PKP4: variants seen among roughly 807,000 people sequenced by gnomAD.
The protein encoded by PKP4 is plakophilin-4.
Under a neutral mutation model 145.1 loss-of-function variants are expected in PKP4, and 90 were observed. That is an observed-to-expected ratio of 0.62 (90% confidence interval 0.52 to 0.74). The LOEUF (loss-of-function observed/expected upper bound fraction) is 0.74. Among genes scored for constraint, PKP4 ranks in the 30% least tolerant of loss-of-function variants. The pLI is 0.00. For synonymous variants in PKP4, 563 were observed against 577.2 expected (o/e 0.98, Z 0.35); for missense variants, 1,340 against 1,482.7 (o/e 0.90, Z 1.58).
chr2:158,478,349 G>A (rs936279567), intron 1 of PKP4, among the ~76,000 whole-genome samples: 28 of 151,860 alleles, frequency 1.8e-4, no homozygotes, highest in African/African-American at 6.5e-4. Flanking sequence ...AGCAGATGAC[G>A]TGCTGTGGTT....
At chr2:158,513,141 CATA>C (rs1452695137) in intron 1 of PKP4, among the ~76,000 whole-genome samples, 1 of 152,192 alleles carries the variant, frequency 6.6e-6, no homozygotes, top group Non-Finnish European at 1.5e-5. Flanking sequence ...AAGTCATAAT[CATA>C]ATCTGATTTT....
At chr2:158,486,639 G>T (rs960226661) in intron 1 of PKP4, among the ~76,000 whole-genome samples, 1 of 152,226 alleles carries the variant, frequency 6.6e-6, no homozygotes, top group East Asian at 1.9e-4. Context: ...ATAAGGCAGA[G>T]AATAGACTAA....
intron 3 of PKP4, among the ~76,000 whole-genome samples, chr2:158,590,470 A>G (rs182173988): frequency 6.6e-6 from 1 of 151,594 alleles, no homozygotes; most frequent in African/African-American, 2.4e-5. Flanking sequence ...TTAAAGATTG[A>G]TCTACTTCCC....
rs187925629 is a variant in PKP4, at chr2:158,473,444, G to A, written c.-6+16226G>A. ...CAGTGGCAGATTGGATAAAGAAAAT[G>A]TGGTACATATACACCGTGCAATACT... is the stretch of plus-strand genomic sequence containing the variant. On this transcript the variant is annotated intron_variant, in intron 1 of 21. Transcript: ENST00000389759. 2.5e-3 allele frequency among the ~76,000 whole-genome samples: 383 copies of A among 152,326 alleles called. 1 individual carries two copies. The highest frequency in any genetic ancestry group is 2.5e-3 in the Non-Finnish European group (172 of 68,028).
chr2:158,586,785 G>A (rs2048834571), intron 3 of PKP4, among the ~76,000 whole-genome samples: 1 of 152,180 alleles, frequency 6.6e-6, no homozygotes, highest in African/African-American at 2.4e-5. Flanking sequence ...TTTTAATTAT[G>A]ATATCTCATT....
chr2:158,497,482 T>G (rs988193642), intron 1 of PKP4, among the ~76,000 whole-genome samples: 3 of 152,160 alleles, frequency 2.0e-5, no homozygotes, highest in Non-Finnish European at 2.9e-5. Flanking sequence ...AGGAGTTATA[T>G]TCTCTTAAAT....
At chr2:158,566,010 T>C (rs539802383) in intron 2 of PKP4, among the ~76,000 whole-genome samples, 56 of 152,282 alleles carry the variant, frequency 3.7e-4, no homozygotes, top group South Asian at 2.1e-4. Context: ...CTAATAAATA[T>C]GTTTTCTAAT....
At chr2:158,603,359 A>C (rs955425009) in intron 4 of PKP4, among the ~76,000 whole-genome samples, 2 of 152,202 alleles carry the variant, frequency 1.3e-5, no homozygotes, top group Non-Finnish European at 1.5e-5. Flanking sequence ...GAAAGTTTCC[A>C]TTTCCATCAT....
rs1052014418 is a variant in PKP4, at chr2:158,658,598, A to C, written c.2093+284A>C. On this transcript the variant is annotated intron_variant, in intron 12 of 21. Coordinates refer to ENST00000389759, the MANE Select transcript of PKP4 (RefSeq NM_003628.6). The stretch of plus-strand genomic sequence containing the variant: ...TTCCAGTGTTTTCCACTTTAACAGC[A>C]TTTTTCTGGTAATCGCATTCTGATT... The C allele has an allele frequency of 3.8e-5, 11 of 289,414 alleles. No homozygotes were observed. In the Admixed American group the frequency reaches 5.2e-4, roughly 14 times the overall value. 17.9% of individuals were successfully genotyped at this position (289,414 alleles called of 1,614,324 possible). A position where few individuals can be genotyped will look rare whatever the true frequency, so the allele number is the denominator to read the frequency against.
intron 2 of PKP4, among the ~76,000 whole-genome samples, chr2:158,549,700 G>A (rs902683678): frequency 3.9e-5 from 6 of 152,066 alleles, no homozygotes; most frequent in Non-Finnish European, 5.9e-5. Context: ...TTAATCTTCC[G>A]TGTTGACCAG....
At chr2:158,578,131 TC>T in intron 3 of PKP4, 1 of 183,608 alleles carries the variant, frequency 5.4e-6, no homozygotes, top group South Asian at 1.3e-4. Flanking sequence ...AACTTTTCTC[TC>T]AGTTATTTCT....
At chr2:158,495,667 C>T (rs1695594490) in intron 1 of PKP4, among the ~76,000 whole-genome samples, 1 of 151,770 alleles carries the variant, frequency 6.6e-6, no homozygotes, top group Admixed American at 6.6e-5. Context: ...AACCTCGACT[C>T]TACTGAAAAT....
intron 13 of PKP4, among the ~76,000 whole-genome samples, chr2:158,661,964 C>T (rs1434213352): frequency 6.6e-6 from 1 of 152,182 alleles, no homozygotes; most frequent in East Asian, 1.9e-4. Flanking sequence ...CCCTCTCCCT[C>T]CTGTGCCCGA....
chr2:158,550,842 A>G (rs2045557643), intron 2 of PKP4, among the ~76,000 whole-genome samples: 1 of 152,258 alleles, frequency 6.6e-6, no homozygotes, highest in Non-Finnish European at 1.5e-5. Flanking sequence ...ATAATTTGAG[A>G]GAAAGCTTAT....
chr2:158,605,016 A>G (rs751155449), intron 4 of PKP4, among the ~76,000 whole-genome samples: 5 of 152,234 alleles, frequency 3.3e-5, no homozygotes, highest in Non-Finnish European at 5.9e-5. Flanking sequence ...GGACAGAGGG[A>G]GTCAGGTGAG....
At chr2:158,617,678 G>A (rs2051776043) in intron 4 of PKP4, among the ~76,000 whole-genome samples, 1 of 152,150 alleles carries the variant, frequency 6.6e-6, no homozygotes, top group African/African-American at 2.4e-5. Flanking sequence ...ATTAGAAGAT[G>A]TGTCTTCTGT....
intron 11 of PKP4, among the ~76,000 whole-genome samples, chr2:158,649,484 A>T (rs1348205252): frequency 6.6e-6 from 1 of 152,226 alleles, no homozygotes; most frequent in East Asian, 1.9e-4. Flanking sequence ...CACCACTAGC[A>T]CTATAATATC....
chr2:158,638,233 A>G (rs1456802796), intron 9 of PKP4, among the ~76,000 whole-genome samples: 1 of 152,234 alleles, frequency 6.6e-6, no homozygotes, highest in African/African-American at 2.4e-5. Flanking sequence ...AGAATAGCTC[A>G]TTTTTTAGGG....
rs759892978 is a variant in PKP4 at position 158,624,861 on chromosome 2, TC to T, written c.604-10del. 4.5e-6 allele frequency: 7 copies of T among 1,546,734 alleles called. No homozygotes were observed. Among genetic ancestry groups the T allele is most frequent in the African/African-American group, 1.4e-5 (1 of 72,838 alleles). ...CCCTGGATAAACCCATTCTCTTTTTTCCCCCCCTTTCATCAGCCATCAGTAG... is the reference window on the plus strand; with the variant it reads ...CCCTGGATAAACCCATTCTCTTTTTTCCCCCCTTTCATCAGCCATCAGTAG... On this transcript the variant is annotated splice_polypyrimidine_tract_variant and intron_variant, in intron 6 of 21. Transcript: ENST00000389759.
Sources: gnomAD v4.1 joint callset for allele counts (sites outside exome capture counted in the v4.1 genomes callset) on GRCh38, gnomAD v4.1.1 for gene constraint, MANE v1.5 for transcripts, NCBI Gene and HGNC (gene_info 2026-07-23, HGNC 2026-07-21) for gene names.